The following NCAM2 variants were observed in gnomAD, a reference collection of about 807,000 sequenced individuals.
NCAM2 encodes neural cell adhesion molecule 2, also known as N-CAM-2.
Under a neutral mutation model 98.1 loss-of-function variants are expected in NCAM2, and 30 were observed. The ratio of observed to expected loss-of-function variants is 0.31; its 90% CI spans 0.23 to 0.41. NCAM2 has a LOEUF of 0.41. NCAM2 is among the 10% of genes least tolerant of loss of function. NCAM2 has a pLI of 1.00. For missense variants in NCAM2, 867 were observed against 1,005.8 expected (o/e 0.86, Z 1.87); for synonymous variants, 368 against 342.4 (o/e 1.07, Z -0.83).
chr21:21,383,398 T>G (rs1306521622), intron 9 of NCAM2, among the ~76,000 whole-genome samples: 1 of 152,208 alleles, frequency 6.6e-6, no homozygotes, highest in East Asian at 1.9e-4. Context: ...TCCAACATTA[T>G]GTATGCTTTT....
intron 1 of NCAM2, among the ~76,000 whole-genome samples, chr21:21,080,361 A>G (rs62207599): frequency 0.18 from 26,763 of 152,066 alleles, 2,590 homozygotes; most frequent in Non-Finnish European, 0.19. Flanking sequence ...TCAAACCTGT[A>G]ATCCCAGCAT....
intron 8 of NCAM2, among the ~76,000 whole-genome samples, chr21:21,343,352 T>TACACACACACACACAC (rs1207234552): frequency 1.4e-3 from 159 of 110,152 alleles, no homozygotes; most frequent in East Asian, 5.0e-3. Context: ...CAACTATCTA[T>TACACACACACACACAC]ACACATACAC....
Position 21,502,715 on chromosome 21 carries a change from A to G in NCAM2, c.2078-6136A>G, listed in dbSNP as rs983431040. On this transcript the variant is annotated intron_variant, in intron 15 of 17. Transcript: ENST00000400546. Reference sequence around the variant, plus strand: ...TAGTAATATCATCAACACCAATCAGAGTTATTTAATGTCTTCTCTTTTCAT... The same window carrying G: ...TAGTAATATCATCAACACCAATCAGGGTTATTTAATGTCTTCTCTTTTCAT... Among the ~76,000 whole-genome samples, 5 of 152,048 alleles carry G rather than the reference A, an allele frequency of 3.3e-5. 1 individual carries two copies. The South Asian group carries it at 1.0e-3, about 31-fold the overall frequency.
At chr21:21,442,708 G>T (rs1289879907) in intron 12 of NCAM2, among the ~76,000 whole-genome samples, 4 of 152,078 alleles carry the variant, frequency 2.6e-5, no homozygotes, top group Non-Finnish European at 5.9e-5. Context: ...CCATTGTCTG[G>T]TTTATTTACA....
chr21:21,282,593 A>T (rs2072966880), intron 2 of NCAM2, among the ~76,000 whole-genome samples: 1 of 151,662 alleles, frequency 6.6e-6, no homozygotes. Flanking sequence ...CAATCTAGAT[A>T]CTCCTCCAAC....
intron 1 of NCAM2, among the ~76,000 whole-genome samples, chr21:21,012,944 T>A (rs1399983033): frequency 1.3e-5 from 2 of 152,182 alleles, no homozygotes; most frequent in Non-Finnish European, 2.9e-5. Context: ...ACAAACTTAA[T>A]CAATTTATAA....
rs1046590485 is a variant in NCAM2 at position 21,539,339 on chromosome 21, G to T, written c.*1382G>T. 1 of 152,158 alleles carries T rather than the reference G, an allele frequency of 6.6e-6. No individual in the cohort carries two copies. The highest frequency in any genetic ancestry group is 6.6e-5 in the Admixed American group (1 of 15,264). The allele number at this position is 152,158 out of a possible 1,614,324, so 9.4% of individuals were successfully genotyped here. On this transcript the variant is annotated 3_prime_UTR_variant, in exon 18 of 18. Coordinates refer to ENST00000400546, the MANE Select transcript of NCAM2 (RefSeq NM_004540.5). The stretch of plus-strand genomic sequence containing the variant: ...GGTTTATTAACCTTGAGAGCCAAAG[G>T]TTTCCTTAGGCCCTGTAACATTCAG...
intron 8 of NCAM2, among the ~76,000 whole-genome samples, chr21:21,371,254 G>A (rs2075908321): frequency 6.6e-6 from 1 of 151,772 alleles, no homozygotes; most frequent in Admixed American, 6.6e-5. Flanking sequence ...TTTTGAGAAG[G>A]TAGTTTGGAT....
chr21:21,441,887 C>T (rs1230663598), intron 12 of NCAM2, among the ~76,000 whole-genome samples: 3 of 152,010 alleles, frequency 2.0e-5, no homozygotes, highest in South Asian at 2.1e-4. Flanking sequence ...CAGAAAGATA[C>T]GAGGCTAGGC....
intron 13 of NCAM2, 41 bp downstream of exon 13, chr21:21,466,766 T>C: frequency 6.4e-7 from 1 of 1,554,252 alleles, no homozygotes; most frequent in Non-Finnish European, 8.7e-7. Flanking sequence ...TTTGTCATTT[T>C]CTTCACTTGC....
chr21:21,177,074 C>A (rs942023925), intron 1 of NCAM2, among the ~76,000 whole-genome samples: 2 of 151,966 alleles, frequency 1.3e-5, no homozygotes, highest in Non-Finnish European at 2.9e-5. Context: ...CAATTTCAGC[C>A]ACATTTTAAA....
intron 1 of NCAM2, among the ~76,000 whole-genome samples, chr21:21,061,557 T>C (rs7276155): frequency 0.2 from 30,528 of 152,094 alleles, 3,411 homozygotes; most frequent in African/African-American, 0.27. Context: ...TTAATTAATC[T>C]GTTCAGAGAT....
chr21:21,174,838 G>A (rs1359945295), intron 1 of NCAM2, among the ~76,000 whole-genome samples: 1 of 152,058 alleles, frequency 6.6e-6, no homozygotes, highest in Admixed American at 6.5e-5. Context: ...AGGGTTAACT[G>A]AGAGGATATG....
intron 12 of NCAM2, among the ~76,000 whole-genome samples, chr21:21,436,625 T>C (rs1265065745): frequency 2.0e-5 from 3 of 152,088 alleles, no homozygotes; most frequent in East Asian, 3.9e-4. Flanking sequence ...ACCAAAAGCA[T>C]ATTAGGGTAG....
chr21:21,432,118 C>A lies in NCAM2; in HGVS notation c.1491C>A (p.Ser497=), dbSNP rs1010349956. 3 of 1,613,468 alleles carry A rather than the reference C, an allele frequency of 1.9e-6. No homozygotes were observed. In the African/African-American group the frequency reaches 4.0e-5, roughly 22 times the overall value. The part of the protein sequence containing the change: ...EYILALADVP[S]SPYGVKIIEL... ...TTTCTTTGTCCATAGACGTGCCATC[C>A]AGTCCCTATGGAGTGAAGATCATAG... The change falls in exon 12 of 18, where the codon TCC becomes TCA. Residue 497 remains serine (S), a synonymous_variant. Transcript: ENST00000400546.
chr21:21,411,436 CTTTTG>C (rs2076886002), intron 10 of NCAM2, among the ~76,000 whole-genome samples: 1 of 150,644 alleles, frequency 6.6e-6, no homozygotes. Flanking sequence ...TGTTCAGTAT[CTTTTG>C]TTTTATTACT....
chr21:21,294,254 G>T (rs972343217), intron 5 of NCAM2, among the ~76,000 whole-genome samples: 3 of 151,288 alleles, frequency 2.0e-5, no homozygotes, highest in South Asian at 2.1e-4. Flanking sequence ...GATTATTCAG[G>T]TATGAATATT....
At chr21:21,257,920 G>A (rs4816850) in intron 1 of NCAM2, among the ~76,000 whole-genome samples, 151,024 of 152,320 alleles carry the variant, frequency 0.99, 74,886 homozygotes, top group East Asian at 1. Flanking sequence ...ACTCACACAC[G>A]TATGGTGAAG....
At chr21:21,309,025 A>G (rs947464021) in intron 5 of NCAM2, among the ~76,000 whole-genome samples, 14 of 152,190 alleles carry the variant, frequency 9.2e-5, no homozygotes, top group Non-Finnish European at 1.9e-4. Flanking sequence ...ACTGAAAATG[A>G]AAATAAAAAT....
Sources: allele counts gnomAD v4.1 joint callset (sites outside exome capture counted in the v4.1 genomes callset), GRCh38; gene constraint gnomAD v4.1.1; transcripts MANE v1.5; gene names NCBI Gene and HGNC (gene_info 2026-07-23, HGNC 2026-07-21).